The following CPSF1 variants were observed in gnomAD, a reference collection of about 807,000 sequenced individuals.
CPSF1 encodes cleavage and polyadenylation specific factor 1.
A neutral mutation model predicts 175.8 loss-of-function variants in CPSF1; 106 were observed. The observed-to-expected ratio is 0.60, with a 90% confidence interval of 0.52 to 0.71. The LOEUF is 0.71. CPSF1 is among the 30% of genes least tolerant of loss of function. CPSF1 has a pLI of 0.00. For synonymous variants in CPSF1, 1,024 were observed against 858.3 expected (o/e 1.19, Z -3.37); for missense variants, 1,734 against 2,022.9 (o/e 0.86, Z 2.74).
intron 9 of CPSF1, 31 bp downstream of exon 9, chr8:144,400,135 G>GGGGCGCCCCCCCCCCCCCCCCCCCC: frequency 1.1e-6 from 1 of 896,012 alleles, no homozygotes; most frequent in Non-Finnish European, 1.6e-6. Context: ...CCGTCCCCGG[G>GGGGCGCCCCCCCCCCCCCCCCCCCC]CCCCCCCCGC....
At position 144,394,307 on chromosome 8, in the gene CPSF1, G is replaced by A; in HGVS notation, c.3745-7C>T. The A allele has an allele frequency of 6.3e-7, 1 of 1,587,384 alleles. No homozygotes were observed. The highest frequency in any genetic ancestry group is 1.1e-5 in the South Asian group (1 of 88,086). ...CCTCCAGGGGCTTGGCATCCTGGGG[G>A]CGGGAAGGGGGCGTCAGAGGTGCCT... is the stretch of plus-strand genomic sequence containing the variant. On this transcript the variant is annotated splice_region_variant and splice_polypyrimidine_tract_variant and intron_variant, in intron 32 of 37. Coordinates refer to ENST00000616140, the MANE Select transcript of CPSF1 (RefSeq NM_013291.3).
In CPSF1 at chr8:144,409,007, C is replaced by A. The variant is rs2116912648; in HGVS notation, c.144+8G>T. The A allele has an allele frequency of 2.3e-5, 37 of 1,611,900 alleles. 1 individual carries two copies. The Admixed American group carries it at 6.2e-4, about 27-fold the overall frequency. On this transcript the variant is annotated splice_region_variant and intron_variant, in intron 2 of 37. Coordinates refer to ENST00000616140, the MANE Select transcript of CPSF1 (RefSeq NM_013291.3). ...GACAGCCGGGAGGGCTCCCAGGGCC[C>A]GACCTACCTCGGCGTCGCGGTTGAG...
At position 144,395,125 on chromosome 8, in the gene CPSF1, A is replaced by T; in HGVS notation, c.3245T>A (p.Val1082Asp). 1 of 1,612,066 alleles carries T rather than the reference A, an allele frequency of 6.2e-7. No individual in the cohort carries two copies. Among genetic ancestry groups the T allele is most frequent in the Non-Finnish European group, 8.5e-7 (1 of 1,179,322 alleles). The change falls in exon 29 of 38, where the codon GTC becomes GAC. Residue 1082 changes from valine (V) to aspartate (D), a missense_variant. By Grantham distance (152) the Val-to-Asp change is radical. Around this residue, in one of 10 missense-constraint regions of CPSF1, gnomAD observed 585 missense variants for 584.7 expected, o/e 1.00. Coordinates refer to ENST00000616140, the MANE Select transcript of CPSF1 (RefSeq NM_013291.3). ...EAFSIQLISP[V>D]SWEAIPNARI... ...GGCATTGGGAATAGCCTCCCAGCTG[A>T]CCGGGGAGATGAGCTGGATGGAGAA... is the stretch of plus-strand genomic sequence containing the variant.
chr8:144,396,772 G>T (rs782424758), intron 24 of CPSF1, 31 bp from the exon 25 acceptor site: 1 of 1,613,038 alleles, frequency 6.2e-7, no homozygotes, highest in South Asian at 1.1e-5. Flanking sequence ...TCCTCCAGGG[G>T]CTGCCGGTCT....
chr8:144,394,471 C>T lies in CPSF1; in HGVS notation c.3652G>A (p.Val1218Ile), dbSNP rs202060669. 51 of 1,608,906 alleles carry T rather than the reference C, an allele frequency of 3.2e-5. No individual in the cohort carries two copies. Among genetic ancestry groups the T allele is most frequent in the Middle Eastern group, 1.7e-4 (1 of 6,056 alleles). The change falls in exon 32 of 38, where the codon GTC (valine) becomes ATC (isoleucine). Residue 1218 changes from valine to isoleucine, a missense_variant. Physicochemically the swap from Val to Ile is conservative, Grantham distance 29. Coordinates refer to ENST00000616140, the MANE Select transcript of CPSF1 (RefSeq NM_013291.3). ...TQLYIHQMIS[V>I]KNFILAADVM... ...TCGGCTGCCAGGATGAAGTTCTTGA[C>T]GCTGATCATCTGGTGTATGTAGAGC...
At chr8:144,406,390 G>A (rs1284684187) in intron 2 of CPSF1, among the ~76,000 whole-genome samples, 3 of 152,182 alleles carry the variant, frequency 2.0e-5, no homozygotes, top group African/African-American at 7.2e-5. Flanking sequence ...GTGGGACCCA[G>A]TGTCGAGTCC....
chr8:144,403,926 C>T (rs1353233543), intron 2 of CPSF1, among the ~76,000 whole-genome samples: 3 of 151,496 alleles, frequency 2.0e-5, no homozygotes, highest in Admixed American at 6.6e-5. Flanking sequence ...CAAGTTTTCC[C>T]TTTTGAGGCC....
At chr8:144,398,213 G>A in intron 19 of CPSF1, 81 bp from the exon 20 acceptor site, 1 of 1,576,252 alleles carries the variant, frequency 6.3e-7, no homozygotes, top group Non-Finnish European at 8.6e-7. Flanking sequence ...CGGATGCCCA[G>A]GGCCCAACCA....
chr8:144,397,212 G>A lies in CPSF1; in HGVS notation c.2587C>T (p.Leu863=). The A allele has an allele frequency of 6.5e-7, 1 of 1,542,028 alleles. No individual in the cohort carries two copies. Among genetic ancestry groups the A allele is most frequent in the Non-Finnish European group, 8.7e-7 (1 of 1,143,224 alleles). ...GCCAGGCCAGGCGCACTCACCAGCA[G>A]GTAGGGCCTGCTCTGGCGGCTGCCC... ...ALGSRQSRPY[L]LVHVDQELLI... Residue 863 remains leucine (L), a synonymous_variant, in exon 23 of 38, where the codon CTG becomes TTG. Transcript: ENST00000616140.
In CPSF1 at chr8:144,394,304, G is replaced by T; in HGVS notation, c.3745-4C>A. ...ACACCTCCAGGGGCTTGGCATCCTG[G>T]GGGCGGGAAGGGGGCGTCAGAGGTG... On this transcript the variant is annotated splice_region_variant and splice_polypyrimidine_tract_variant and intron_variant, in intron 32 of 37. Coordinates refer to ENST00000616140, the MANE Select transcript of CPSF1 (RefSeq NM_013291.3). The T allele has an allele frequency of 6.3e-7, 1 of 1,586,556 alleles. No individual in the cohort carries two copies. The highest frequency in any genetic ancestry group is 8.6e-7 in the Non-Finnish European group (1 of 1,164,508).
In CPSF1 at chr8:144,399,318, G is replaced by A. The variant is rs149140840; in HGVS notation, c.1350C>T (p.Ser450=). ...DEVDEIEVYG[S]EAQSGTQLAT... is the part of the protein sequence containing the mutation. Reference sequence around the variant, plus strand: ...CCAGCTGTGTTCCCGACTGGGCCTCGCTGCCGTACACTTCAATCTCGTCCA... The same window carrying A: ...CCAGCTGTGTTCCCGACTGGGCCTCACTGCCGTACACTTCAATCTCGTCCA... The change falls in exon 14 of 38, where the codon AGC becomes AGT. Residue 450 remains serine, a synonymous_variant. Coordinates refer to ENST00000616140, the MANE Select transcript of CPSF1 (RefSeq NM_013291.3). This position sits in a 1 kb window ranked among gnomAD's most constrained non-coding sequence, Gnocchi z 6.4. 73 of 1,612,206 alleles carry A rather than the reference G, an allele frequency of 4.5e-5. No homozygotes were observed. The African/African-American group carries it at 6.1e-4, about 14-fold the overall frequency.
Position 144,397,298 on chromosome 8 carries a change from C to T in CPSF1, c.2501G>A (p.Arg834Lys). The change falls in exon 23 of 38, where the codon AGG becomes AAG. Residue 834 changes from arginine (R) to lysine (K), a missense_variant. Arg to Lys is a conservative substitution (Grantham distance 26). Transcript: ENST00000616140. ...CTCCCCCTGGCGCGTGGCCTCCTCC[C>T]TGCGGGCCTCGCCCTGTGTAGTGGG... Reference protein sequence around the residue: ...GQPTTQGEARREEATRQGELP... With the variant: ...GQPTTQGEARKEEATRQGELP... 4.5e-6 allele frequency: 7 copies of T among 1,551,148 alleles called. No homozygotes were observed. Among genetic ancestry groups the T allele is most frequent in the African/African-American group, 1.4e-5 (1 of 73,218 alleles).
rs782219279 is a variant in CPSF1, at chr8:144,396,629, C to T, written c.2795G>A (p.Arg932His). Residue 932 changes from arginine (R) to histidine (H), a missense_variant, in exon 25 of 38, where the codon CGC (arginine) becomes CAC (histidine). This residue lies in a region of CPSF1 where 585 missense variants were observed against 584.7 expected (regional missense o/e 1.00). Transcript: ENST00000616140. ...AGARGRVARFRYFEDIYGYSG... is the reference protein window; with the variant it reads ...AGARGRVARFHYFEDIYGYSG... ...GTAGCCATAAATATCCTCGAAGTAG[C>T]GGAAACGCGCCACGCGGCCCCGGGC... 54 of 1,613,510 alleles carry T rather than the reference C, an allele frequency of 3.3e-5. No homozygotes were observed. The highest frequency in any genetic ancestry group is 4.0e-5 in the Non-Finnish European group (47 of 1,179,980).
At chr8:144,401,134 G>A (rs1057404824) in intron 5 of CPSF1, 59 bp from the exon 6 acceptor site, 3 of 1,594,682 alleles carry the variant, frequency 1.9e-6, no homozygotes, top group Non-Finnish European at 8.5e-7. Flanking sequence ...GGAAACACTT[G>A]GGGCCACAGA....
chr8:144,407,719 A>G (rs1821569939), intron 2 of CPSF1, among the ~76,000 whole-genome samples: 1 of 152,248 alleles, frequency 6.6e-6, no homozygotes, highest in African/African-American at 2.4e-5. Context: ...ACAAAAAAAA[A>G]AATTATTTGT....
At chr8:144,396,003 G>T in intron 26 of CPSF1, 1 of 411,752 alleles carries the variant, frequency 2.4e-6, no homozygotes, top group Non-Finnish European at 4.4e-6. Context: ...GAGAAAGCCT[G>T]TGTGCCCTCC....
In CPSF1 at chr8:144,393,580, C is replaced by T. The variant is rs782009942; in HGVS notation, c.4156G>A (p.Val1386Met). The change falls in exon 37 of 38, where the codon GTG becomes ATG. Residue 1386 changes from valine to methionine, a missense_variant. Val to Met is a conservative substitution (Grantham distance 21, BLOSUM62 1). Transcript: ENST00000616140. ...LNPRAFRMLH[V>M]DRRTLQNAVR... ...GCATTCTGGAGGGTGCGGCGGTCCA[C>T]GTGCAGCATCCTGGGGCGTACAGGC... 1.1e-5 allele frequency: 18 copies of T among 1,604,326 alleles called. No homozygotes were observed. Among genetic ancestry groups the T allele is most frequent in the African/African-American group, 1.3e-5 (1 of 74,770 alleles).
chr8:144,408,991 G>C, intron 2 of CPSF1, 24 bp downstream of exon 2: 1 of 1,609,526 alleles, frequency 6.2e-7, no homozygotes, highest in East Asian at 2.2e-5. Context: ...GGACAGCCGG[G>C]AGGGCTCCCA....
intron 2 of CPSF1, among the ~76,000 whole-genome samples, chr8:144,402,507 G>A (rs1554867657): frequency 6.6e-6 from 1 of 152,120 alleles, no homozygotes; most frequent in Non-Finnish European, 1.5e-5. Context: ...GTTTCACCAT[G>A]TTGGCCAGGC....
Sources: gnomAD v4.1 joint callset for allele counts (sites outside exome capture counted in the v4.1 genomes callset) on GRCh38, gnomAD v4.1.1 for gene constraint, gnomAD v4.1.1 regional missense constraint, Gnocchi (gnomAD v3.1) non-coding constraint, MANE v1.5 for transcripts, NCBI Gene and HGNC (gene_info 2026-07-23, HGNC 2026-07-21) for gene names.